The following ADAMTS17 variants were observed in gnomAD, a reference collection of about 807,000 sequenced individuals.
The protein encoded by ADAMTS17 is A disintegrin and metalloproteinase with thrombospondin motifs 17.
ADAMTS17 carries 113 observed loss-of-function variants against 141.5 expected under a neutral mutation model. That is an observed-to-expected ratio of 0.80 (90% confidence interval 0.69 to 0.93). The LOEUF is 0.93. ADAMTS17 is among the 40% of genes least tolerant of loss of function. ADAMTS17 has a pLI of 0.00. For missense variants in ADAMTS17, 1,659 were observed against 1,517.9 expected, an observed-to-expected ratio of 1.09 and a Z score of -1.54; for synonymous variants, 768 against 630.6, an observed-to-expected ratio of 1.22 and a Z score of -3.27.
chr15:100,224,996 C>T (rs548461458), intron 7 of ADAMTS17, among the ~76,000 whole-genome samples: 5 of 152,340 alleles, frequency 3.3e-5, no homozygotes, highest in Admixed American at 1.3e-4. Flanking sequence ...CATGGATCCA[C>T]GAGGCTGCCT....
At chr15:100,307,820 C>G (rs2045276338) in intron 3 of ADAMTS17, among the ~76,000 whole-genome samples, 1 of 152,234 alleles carries the variant, frequency 6.6e-6, no homozygotes, top group African/African-American at 2.4e-5. Context: ...CTGGGACCTG[C>G]CACCCACCAC....
At chr15:100,086,991 C>G (rs1218097990) in intron 15 of ADAMTS17, among the ~76,000 whole-genome samples, 1 of 152,070 alleles carries the variant, frequency 6.6e-6, no homozygotes, top group Non-Finnish European at 1.5e-5. Flanking sequence ...TAACTAAGAT[C>G]AGAGCAGAAC....
At chr15:100,124,097 A>G (rs1448693560) in intron 12 of ADAMTS17, among the ~76,000 whole-genome samples, 4 of 151,710 alleles carry the variant, frequency 2.6e-5, no homozygotes, top group African/African-American at 4.8e-5. Flanking sequence ...CTGAGTAGCT[A>G]AGATTACAGG....
intron 18 of ADAMTS17, among the ~76,000 whole-genome samples, chr15:100,029,212 T>G (rs1228950647): frequency 1.3e-5 from 2 of 152,202 alleles, no homozygotes; most frequent in Non-Finnish European, 2.9e-5. Flanking sequence ...TTCCGCTTGG[T>G]GCTGAGCTGT....
intron 8 of ADAMTS17, among the ~76,000 whole-genome samples, chr15:100,170,756 A>AT (rs2040128811): frequency 6.6e-6 from 1 of 152,126 alleles, no homozygotes; most frequent in African/African-American, 2.4e-5. Context: ...ACTAGACAAG[A>AT]TTTTTCCAAT....
chr15:100,251,220 C>T (rs1338210584), intron 7 of ADAMTS17, among the ~76,000 whole-genome samples: 5 of 152,152 alleles, frequency 3.3e-5, no homozygotes, highest in African/African-American at 1.2e-4. Context: ...AACAGTGACT[C>T]CACCCAGTCC....
At position 100,094,379 on chromosome 15, in the gene ADAMTS17, T is replaced by C. The variant is rs186565963; in HGVS notation, c.2137+1977A>G. Among the ~76,000 whole-genome samples the C allele has an allele frequency of 2.0e-5, 3 of 152,180 alleles. No homozygotes were observed. The East Asian group carries it at 5.8e-4, about 29-fold the overall frequency. On this transcript the variant is annotated intron_variant, in intron 15 of 21. Transcript: ENST00000268070. ...GGGATGTGGCCCAGGCCGGAGTGGA[T>C]GGAGAAGGGAAAGGGGTGAGCAGGA...
chr15:100,135,663 T>C (rs1265449973), intron 10 of ADAMTS17, among the ~76,000 whole-genome samples: 3 of 152,310 alleles, frequency 2.0e-5, no homozygotes, highest in Middle Eastern at 3.4e-3. Flanking sequence ...ATTTGTAATG[T>C]GTATAACCAA....
At chr15:100,095,663 C>T (rs1201047965) in intron 15 of ADAMTS17, among the ~76,000 whole-genome samples, 1 of 152,218 alleles carries the variant, frequency 6.6e-6, no homozygotes, top group Non-Finnish European at 1.5e-5. Flanking sequence ...GTGCTCCCCT[C>T]ACTAGGTGTC....
At chr15:100,284,894 C>T (rs748377904) in intron 3 of ADAMTS17, among the ~76,000 whole-genome samples, 4 of 152,248 alleles carry the variant, frequency 2.6e-5, no homozygotes, top group Admixed American at 6.5e-5. Flanking sequence ...GGTGGGTGGG[C>T]GTGTGGCCAG....
At chr15:100,310,294 A>G (rs1487014912) in intron 3 of ADAMTS17, among the ~76,000 whole-genome samples, 1 of 152,220 alleles carries the variant, frequency 6.6e-6, no homozygotes, top group African/African-American at 2.4e-5. Context: ...CCACACAGGG[A>G]GAGGAGGGGT....
At chr15:100,088,719 G>T (rs2035262861) in intron 15 of ADAMTS17, among the ~76,000 whole-genome samples, 1 of 152,088 alleles carries the variant, frequency 6.6e-6, no homozygotes, top group Non-Finnish European at 1.5e-5. Flanking sequence ...TGACAAACCT[G>T]ACAAAAACAA....
intron 21 of ADAMTS17, among the ~76,000 whole-genome samples, chr15:99,975,616 G>A (rs1355394274): frequency 1.3e-5 from 2 of 152,166 alleles, no homozygotes; most frequent in African/African-American, 2.4e-5. Context: ...CACACAGTCT[G>A]CAGCCCCTCC....
chr15:100,060,295 G>A (rs1159135014), intron 15 of ADAMTS17, among the ~76,000 whole-genome samples: 6 of 152,230 alleles, frequency 3.9e-5, no homozygotes, highest in East Asian at 1.9e-4. Flanking sequence ...GGCACCACAC[G>A]GGTGGGTACA....
At chr15:100,016,925 C>T (rs546060274) in intron 18 of ADAMTS17, among the ~76,000 whole-genome samples, 1 of 152,128 alleles carries the variant, frequency 6.6e-6, no homozygotes, top group African/African-American at 2.4e-5. Flanking sequence ...GCCCTAGAAC[C>T]CTCAAGATTA....
At chr15:100,187,894 G>A (rs960120112) in intron 8 of ADAMTS17, among the ~76,000 whole-genome samples, 3 of 152,138 alleles carry the variant, frequency 2.0e-5, no homozygotes, top group Admixed American at 6.5e-5. Context: ...TCACAGACAG[G>A]GACCCATAGT....
intron 18 of ADAMTS17, among the ~76,000 whole-genome samples, chr15:100,040,401 G>A (rs1018249098): frequency 3.3e-5 from 5 of 152,290 alleles, no homozygotes; most frequent in African/African-American, 1.2e-4. Flanking sequence ...GGCTGTTGTT[G>A]TTCTTTCAGT....
At chr15:100,209,317 G>A (rs964322619) in intron 7 of ADAMTS17, among the ~76,000 whole-genome samples, 5 of 152,096 alleles carry the variant, frequency 3.3e-5, no homozygotes, top group African/African-American at 9.7e-5. Context: ...CTTGGGCTGC[G>A]CACAAAGGTC....
intron 8 of ADAMTS17, among the ~76,000 whole-genome samples, chr15:100,161,571 C>A (rs1346396873): frequency 6.6e-6 from 1 of 152,172 alleles, no homozygotes; most frequent in African/African-American, 2.4e-5. Flanking sequence ...ACTGGAATGG[C>A]CCATGGCAGT....
Sources: gnomAD v4.1 joint callset for allele counts (sites outside exome capture counted in the v4.1 genomes callset) on GRCh38, gnomAD v4.1.1 for gene constraint, MANE v1.5 for transcripts, NCBI Gene and HGNC (gene_info 2026-07-23, HGNC 2026-07-21) for gene names.